SPMIP4: variants seen among roughly 807,000 people sequenced by gnomAD.
SPMIP4 encodes sperm-associated microtubule inner protein 4.
chr7:25,144,960 G>GTTTTTTT, the SPMIP4 span, among the ~76,000 whole-genome samples: 1 of 145,712 alleles, frequency 6.9e-6, no homozygotes, highest in Non-Finnish European at 1.5e-5. Flanking sequence ...AAGAAGGACT[G>GTTTTTTT]TTTTTTTTTT....
chr7:25,177,163 G>A, the SPMIP4 span, among the ~76,000 whole-genome samples: 57 of 152,332 alleles, frequency 3.7e-4, no homozygotes, highest in African/African-American at 1.3e-3. Flanking sequence ...TGGTGTGGAA[G>A]TGCTATCCTT....
At chr7:25,155,223 G>A in the SPMIP4 span, 1 of 1,482,162 alleles carries the variant, frequency 6.7e-7, no homozygotes, top group Non-Finnish European at 9.0e-7. Flanking sequence ...AAAACAAAAT[G>A]AAAAGAACAG....
chr7:25,179,144 T>C, the SPMIP4 span: 1 of 1,576,538 alleles, frequency 6.3e-7, no homozygotes. Flanking sequence ...AACTGCTTTT[T>C]CTTGTTTGCT....
the SPMIP4 span, among the ~76,000 whole-genome samples, chr7:25,154,830 T>G: frequency 2.0e-3 from 299 of 152,326 alleles, 3 homozygotes; most frequent in Non-Finnish European, 3.7e-3. Flanking sequence ...GAGAGTCTGA[T>G]TTGATGGGTC....
At chr7:25,155,311 CTGGGGGATAGG>C in the SPMIP4 span, 1 of 793,364 alleles carries the variant, frequency 1.3e-6, no homozygotes, top group East Asian at 2.9e-5. Context: ...TGTTCTAATG[CTGGGGGATAGG>C]ACAGTGAGTC....
chr7:25,175,903 C>T, the SPMIP4 span, among the ~76,000 whole-genome samples: 1 of 152,134 alleles, frequency 6.6e-6, no homozygotes, highest in South Asian at 2.1e-4. Flanking sequence ...CTTTTGTAAG[C>T]TGTCTGGCTG....
At chr7:25,137,349 G>A in the SPMIP4 span, among the ~76,000 whole-genome samples, 3 of 140,372 alleles carry the variant, frequency 2.1e-5, no homozygotes, top group Admixed American at 1.5e-4. Context: ...CTTTCTCTTT[G>A]GTTTTCATTC....
At chr7:25,134,895 C>T in the SPMIP4 span, 2 of 985,346 alleles carry the variant, frequency 2.0e-6, no homozygotes, top group Non-Finnish European at 2.4e-6. Context: ...TATTATTTCA[C>T]CATGTAAACT....
At chr7:25,145,069 TCTC>T in the SPMIP4 span, among the ~76,000 whole-genome samples, 1 of 151,926 alleles carries the variant, frequency 6.6e-6, no homozygotes, top group African/African-American at 2.4e-5. Flanking sequence ...TTCAAGTGAT[TCTC>T]CTGCCTCAGC....
the SPMIP4 span, chr7:25,142,802 C>T: frequency 1.3e-6 from 2 of 1,537,404 alleles, no homozygotes; most frequent in Non-Finnish European, 1.7e-6. Context: ...TTTTTCTCAA[C>T]ACCTCTGGGA....
chr7:25,157,617 G>A, the SPMIP4 span, among the ~76,000 whole-genome samples: 1 of 152,270 alleles, frequency 6.6e-6, no homozygotes, highest in East Asian at 1.9e-4. Context: ...AGCCCAATTT[G>A]GGGGCATTCT....
At chr7:25,129,740 G>T in the SPMIP4 span, among the ~76,000 whole-genome samples, 1 of 151,994 alleles carries the variant, frequency 6.6e-6, no homozygotes, top group East Asian at 1.9e-4. Context: ...TGACTTTTTG[G>T]AGAGGAGTTA....
At chr7:25,134,549 T>G in the SPMIP4 span, 7 of 399,474 alleles carry the variant, frequency 1.8e-5, no homozygotes, top group African/African-American at 1.5e-4. Flanking sequence ...AAGAGAAGGC[T>G]GTGCCACCCT....
At chr7:25,144,347 C>T in the SPMIP4 span, among the ~76,000 whole-genome samples, 1 of 152,362 alleles carries the variant, frequency 6.6e-6, no homozygotes, top group South Asian at 2.1e-4. Flanking sequence ...ACTTCGAGTT[C>T]TGCACTGGGA....
At chr7:25,134,592 T>C in the SPMIP4 span, 1 of 806,728 alleles carries the variant, frequency 1.2e-6, no homozygotes, top group East Asian at 1.3e-4. Flanking sequence ...ACACCATATT[T>C]AGAATGTAAT....
chr7:25,127,506 T>A, the SPMIP4 span, among the ~76,000 whole-genome samples: 1 of 152,238 alleles, frequency 6.6e-6, no homozygotes, highest in Non-Finnish European at 1.5e-5. Context: ...TAATTGGATT[T>A]TTCAGCTTCA....
chr7:25,161,157 G>A, the SPMIP4 span: 3 of 1,314,724 alleles, frequency 2.3e-6, no homozygotes, highest in African/African-American at 1.5e-5. Flanking sequence ...AATGTTATTT[G>A]ATTTTATATA....
the SPMIP4 span, among the ~76,000 whole-genome samples, chr7:25,167,088 G>C: frequency 2.6e-5 from 4 of 152,160 alleles, no homozygotes; most frequent in Non-Finnish European, 5.9e-5. Context: ...TTCTTATAAA[G>C]TATTGTGCAT....
the SPMIP4 span, among the ~76,000 whole-genome samples, chr7:25,152,219 T>C: frequency 1.3e-5 from 2 of 152,230 alleles, no homozygotes; most frequent in African/African-American, 4.8e-5. Flanking sequence ...TTTTGGCTTT[T>C]CTCTGCCTAA....
Sources: gnomAD v4.1 joint callset for allele counts (sites outside exome capture counted in the v4.1 genomes callset) on GRCh38, gnomAD v4.1.1 for gene constraint, MANE v1.5 for transcripts, NCBI Gene and HGNC (gene_info 2026-07-23, HGNC 2026-07-21) for gene names.